The following MANBA variants were observed in gnomAD, a reference collection of about 807,000 sequenced individuals.
MANBA encodes beta-mannosidase.
MANBA carries 83 observed loss-of-function variants against 111.1 expected under a neutral mutation model. The observed-to-expected ratio is 0.75, with a 90% CI of 0.63 to 0.90. The LOEUF (loss-of-function observed/expected upper bound fraction) is 0.90, where lower values mean the gene tolerates loss of function less well. Among genes scored for constraint, MANBA ranks in the 40% least tolerant of loss-of-function variants. The probability of loss-of-function intolerance (pLI) is 0.00; values close to 1 mark genes in which losing one functional copy is unlikely to be tolerated. For synonymous variants in MANBA, 370 were observed against 378.7 expected (o/e 0.98, Z 0.27); for missense variants, 1,036 against 1,069.0 (o/e 0.97, Z 0.43).
chr4:102,647,928 G>A (rs1440606419), intron 13 of MANBA, among the ~76,000 whole-genome samples: 2 of 152,054 alleles, frequency 1.3e-5, no homozygotes, highest in Admixed American at 6.6e-5. Context: ...TACATTTTTA[G>A]ATACTAAGAT....
chr4:102,672,672 T>C (rs74819220), intron 8 of MANBA, among the ~76,000 whole-genome samples: 7,330 of 152,230 alleles, frequency 0.048, 274 homozygotes, highest in East Asian at 0.14. Context: ...AAGCAGCTGG[T>C]GAGCAAGCAT....
chr4:102,633,248 C>T (rs1729468563), intron 16 of MANBA: 1 of 398,562 alleles, frequency 2.5e-6, no homozygotes, highest in East Asian at 3.6e-5. Flanking sequence ...TCCCAGATCG[C>T]ACCGCCCAGC....
chr4:102,635,201 T>C (rs1042624549), intron 15 of MANBA, among the ~76,000 whole-genome samples, 156 bp from the exon 16 acceptor site: 2 of 104,200 alleles, frequency 1.9e-5, no homozygotes, highest in South Asian at 2.7e-4. Flanking sequence ...ATACTAGCTA[T>C]GTGACTAAGT....
At chr4:102,679,716 G>A (rs929339652) in intron 7 of MANBA, 2 of 151,984 alleles carry the variant, frequency 1.3e-5, no homozygotes, top group African/African-American at 4.8e-5. Context: ...ATAGCTGATG[G>A]AAAAACACCT....
intron 7 of MANBA, among the ~76,000 whole-genome samples, chr4:102,676,185 C>T (rs1731719152): frequency 6.6e-6 from 1 of 152,018 alleles, no homozygotes; most frequent in Non-Finnish European, 1.5e-5. Flanking sequence ...AATAACTTAC[C>T]TTTTTGTGCG....
At chr4:102,646,105 G>A (rs2110199276) in intron 13 of MANBA, among the ~76,000 whole-genome samples, 1 of 152,212 alleles carries the variant, frequency 6.6e-6, no homozygotes, top group Non-Finnish European at 1.5e-5. Flanking sequence ...GAGATAATGT[G>A]AGAATTAAAT....
chr4:102,641,763 A>C (rs1729888016), intron 13 of MANBA, among the ~76,000 whole-genome samples: 1 of 152,006 alleles, frequency 6.6e-6, no homozygotes, highest in African/African-American at 2.4e-5. Context: ...TCCTCACTAT[A>C]AGTTATTTTT....
intron 5 of MANBA, among the ~76,000 whole-genome samples, chr4:102,705,620 C>T (rs1187538623): frequency 6.6e-6 from 1 of 152,156 alleles, no homozygotes; most frequent in African/African-American, 2.4e-5. Context: ...TGAAAGCAAC[C>T]CCATCCTCCC....
intron 5 of MANBA, 119 bp downstream of exon 5, chr4:102,714,319 C>T: frequency 1.9e-6 from 2 of 1,027,700 alleles, no homozygotes; most frequent in Admixed American, 2.2e-5. Flanking sequence ...ATTGATTGTA[C>T]CACAAAGTTT....
chr4:102,662,051 A>G (rs404574), intron 11 of MANBA, among the ~76,000 whole-genome samples: 65,857 of 152,006 alleles, frequency 0.43, 14,720 homozygotes, highest in South Asian at 0.53. Flanking sequence ...TTTAAGATAA[A>G]TAAGTCCCTA....
intron 16 of MANBA, among the ~76,000 whole-genome samples, chr4:102,633,894 C>T (rs2110187431): frequency 9.3e-6 from 1 of 107,296 alleles, no homozygotes; most frequent in South Asian, 2.7e-4. Context: ...GGTATGTTTT[C>T]AGTTGTTAGG....
intron 5 of MANBA, among the ~76,000 whole-genome samples, chr4:102,699,751 C>A (rs572971958): frequency 0.024 from 3,595 of 150,048 alleles, 93 homozygotes; most frequent in African/African-American, 0.067. Context: ...GCTGCTGGAT[C>A]CGGTTTGCCA....
chr4:102,713,912 A>G (rs531154623), intron 5 of MANBA, among the ~76,000 whole-genome samples: 25 of 151,594 alleles, frequency 1.6e-4, no homozygotes, highest in East Asian at 1.5e-3. Context: ...AAAAAAAAAA[A>G]AAAGAAAAGA....
At chr4:102,680,631 T>A (rs1731922185) in intron 7 of MANBA, among the ~76,000 whole-genome samples, 2 of 152,162 alleles carry the variant, frequency 1.3e-5, no homozygotes, top group South Asian at 2.1e-4. Context: ...AAAAGCAAAT[T>A]CCACAAGGCT....
intron 14 of MANBA, among the ~76,000 whole-genome samples, chr4:102,638,939 C>A (rs990743866): frequency 2.6e-5 from 4 of 152,206 alleles, no homozygotes; most frequent in Admixed American, 2.0e-4. Context: ...AAGAACCTCA[C>A]CCAACCTTTC....
chr4:102,756,797 T>TA (rs35787338), intron 1 of MANBA, among the ~76,000 whole-genome samples: 27,266 of 72,218 alleles, frequency 0.38, 4,664 homozygotes, highest in African/African-American at 0.43. Context: ...AGAGACTATC[T>TA]AAAAAAAAAA....
chr4:102,639,971 G>A (rs1729809456), intron 13 of MANBA, 114 bp from the exon 14 acceptor site: 2 of 1,132,300 alleles, frequency 1.8e-6, no homozygotes, highest in Admixed American at 3.7e-5. Flanking sequence ...GGAGCAATTT[G>A]GATAAAATTA....
intron 6 of MANBA, among the ~76,000 whole-genome samples, chr4:102,690,107 C>T (rs546181173): frequency 6.6e-6 from 1 of 151,952 alleles, no homozygotes; most frequent in East Asian, 1.9e-4. Flanking sequence ...TTTTTCAGTA[C>T]ACAATTATCA....
chr4:102,674,425 T>G (rs908299907), intron 7 of MANBA, among the ~76,000 whole-genome samples: 9 of 152,222 alleles, frequency 5.9e-5, no homozygotes, highest in African/African-American at 1.9e-4. Context: ...AAATGCTGTC[T>G]TTGAAAAACA....
Sources: allele counts gnomAD v4.1 joint callset (sites outside exome capture counted in the v4.1 genomes callset), GRCh38; gene constraint gnomAD v4.1.1; transcripts MANE v1.5; gene names NCBI Gene and HGNC (gene_info 2026-07-23, HGNC 2026-07-21).